TMOD1: variants seen among roughly 807,000 people sequenced by gnomAD.
TMOD1 encodes the protein tropomodulin-1.
TMOD1 carries 17 observed loss-of-function variants against 40.6 expected under a neutral mutation model. The ratio of observed to expected loss-of-function variants is 0.42; its 90% CI spans 0.29 to 0.63. The LOEUF is 0.63. Among genes scored for constraint, TMOD1 ranks in the 20% least tolerant of loss-of-function variants. The pLI is 0.22. For synonymous variants in TMOD1, 181 were observed against 175.0 expected (o/e 1.03, Z -0.27); for missense variants, 391 against 447.6 (o/e 0.87, Z 1.14).
chr9:97,543,168 C>G (rs1830302926), intron 2 of TMOD1, among the ~76,000 whole-genome samples: 1 of 152,258 alleles, frequency 6.6e-6, no homozygotes, highest in Admixed American at 6.5e-5. Context: ...CAATACTTAG[C>G]CTTTCTGGGG....
chr9:97,593,193 T>C (rs1293243538), intron 9 of TMOD1, among the ~76,000 whole-genome samples: 2 of 152,150 alleles, frequency 1.3e-5, no homozygotes, highest in Non-Finnish European at 2.9e-5. Context: ...GGCATGATGG[T>C]ATGGAGGTCT....
intron 8 of TMOD1, among the ~76,000 whole-genome samples, chr9:97,572,304 G>A (rs2149986): frequency 0.46 from 69,626 of 151,856 alleles, 16,014 homozygotes; most frequent in Middle Eastern, 0.58. Flanking sequence ...GTTAGGAGTC[G>A]GAGAGCTTTG....
intron 8 of TMOD1, among the ~76,000 whole-genome samples, chr9:97,577,319 G>C (rs942593742): frequency 2.0e-5 from 3 of 152,124 alleles, no homozygotes; most frequent in African/African-American, 7.2e-5. Flanking sequence ...AGTTCCTCTC[G>C]TCAGTCCTAC....
intron 1 of TMOD1, 49 bp from the exon 2 acceptor site, chr9:97,524,092 G>A: frequency 1.4e-6 from 2 of 1,420,738 alleles, no homozygotes; most frequent in Non-Finnish European, 1.9e-6. Context: ...TTTGCTCTGA[G>A]AGAGCAAATC....
chr9:97,508,793 G>T (rs771986159), intron 1 of TMOD1, among the ~76,000 whole-genome samples: 1 of 152,116 alleles, frequency 6.6e-6, no homozygotes, highest in Non-Finnish European at 1.5e-5. Context: ...ACCTTTCTCT[G>T]GAAATATGGT....
rs1008917235 is a variant in TMOD1, at chr9:97,526,723, C to T, written c.120+2415C>T. On this transcript the variant is annotated intron_variant, in intron 2 of 9. Transcript: ENST00000259365. Reference sequence around the variant, plus strand: ...ATGCAGGACTAGAAGTTAGGTGTTTCGCTTCCAATCCCAACCCTGTCTCTT... The same window carrying T: ...ATGCAGGACTAGAAGTTAGGTGTTTTGCTTCCAATCCCAACCCTGTCTCTT... Among the ~76,000 whole-genome samples the T allele has an allele frequency of 9.8e-5, 15 of 152,286 alleles. No homozygotes were observed. The South Asian group carries it at 1.2e-3, about 13-fold the overall frequency.
At chr9:97,586,283 C>T (rs1216121775) in intron 8 of TMOD1, among the ~76,000 whole-genome samples, 1 of 152,216 alleles carries the variant, frequency 6.6e-6, no homozygotes, top group Admixed American at 6.5e-5. Context: ...GTCAGTGTGC[C>T]CCTGCTGAGG....
intron 2 of TMOD1, among the ~76,000 whole-genome samples, chr9:97,525,691 T>TA (rs932113664): frequency 6.6e-6 from 1 of 152,236 alleles, no homozygotes; most frequent in African/African-American, 2.4e-5. Flanking sequence ...CATACTTTCT[T>TA]ACCTCCCTTG....
Position 97,557,870 on chromosome 9 carries a change from T to TAA in TMOD1, c.397+4484_397+4485dup, listed in dbSNP as rs908512113. 2.8e-5 allele frequency among the ~76,000 whole-genome samples: 4 copies of TAA among 142,188 alleles called. No individual in the cohort carries two copies. The highest frequency in any genetic ancestry group is 7.7e-5 in the African/African-American group (3 of 38,802). The allele number at this position is 142,188 out of a possible 152,430, so 93.3% of individuals were successfully genotyped here. A position where few individuals can be genotyped will look rare whatever the true frequency, so the allele number is the denominator to read the frequency against. On this transcript the variant is annotated intron_variant, in intron 4 of 9. Transcript: ENST00000259365. This position sits in a 1 kb window ranked among gnomAD's most constrained non-coding sequence, Gnocchi z 4.4. ...TTGAGTTTTGAGGAAGATCTAGACT[T>TAA]AAAAAAAAAAAAAAATCAAGTTCCC... is the stretch of plus-strand genomic sequence containing the variant.
chr9:97,560,522 G>A (rs1224708205), intron 4 of TMOD1, among the ~76,000 whole-genome samples: 1 of 151,978 alleles, frequency 6.6e-6, no homozygotes, highest in Non-Finnish European at 1.5e-5. Context: ...GGTGGCTCAC[G>A]CCTGCAATCC....
intron 9 of TMOD1, among the ~76,000 whole-genome samples, chr9:97,592,290 A>G (rs1035096309): frequency 6.6e-6 from 1 of 152,188 alleles, no homozygotes; most frequent in African/African-American, 2.4e-5. Context: ...GGGAAAAAAA[A>G]CAAGAAAAGC....
chr9:97,521,356 G>A lies in TMOD1; in HGVS notation c.-48-2785G>A, dbSNP rs554787923. Among the ~76,000 whole-genome samples, 7 of 152,224 alleles carry A rather than the reference G, an allele frequency of 4.6e-5. No individual in the cohort carries two copies. The South Asian group carries it at 1.0e-3, about 23-fold the overall frequency. ...GGGAACTTCATATAACCCAAAACCC[G>A]TTTGAGCACCAAAAGCTTGTGTTTG... On this transcript the variant is annotated intron_variant, in intron 1 of 9. Coordinates refer to ENST00000259365, the MANE Select transcript of TMOD1 (RefSeq NM_003275.4).
chr9:97,524,917 G>A lies in TMOD1; in HGVS notation c.120+609G>A, dbSNP rs114079623. ...ACTCAGTCTACTGATTCAAATATTGGTCTCATCCAGAAACACCCTCACAGA... is the reference window on the plus strand; with the variant it reads ...ACTCAGTCTACTGATTCAAATATTGATCTCATCCAGAAACACCCTCACAGA... On this transcript the variant is annotated intron_variant, in intron 2 of 9. Transcript: ENST00000259365. Among the ~76,000 whole-genome samples, 868 of 151,962 alleles carry A rather than the reference G, an allele frequency of 5.7e-3. 14 individuals carry two copies. The highest frequency in any genetic ancestry group is 0.02 in the African/African-American group (835 of 41,418).
At chr9:97,596,303 C>T (rs1826108846) in intron 9 of TMOD1, among the ~76,000 whole-genome samples, 2 of 152,122 alleles carry the variant, frequency 1.3e-5, no homozygotes, top group Non-Finnish European at 2.9e-5. Flanking sequence ...CCCAAGTCTC[C>T]TTCCGAAGCT....
intron 2 of TMOD1, among the ~76,000 whole-genome samples, chr9:97,538,660 A>G (rs1830225558): frequency 6.6e-6 from 1 of 152,056 alleles, no homozygotes; most frequent in African/African-American, 2.4e-5. Context: ...TCCATTTAGG[A>G]TCTTGATTAC....
intron 4 of TMOD1, among the ~76,000 whole-genome samples, chr9:97,559,771 T>TAAAAAAAAAAAAAAAAA (rs1830589569): frequency 1.6e-5 from 1 of 63,328 alleles, no homozygotes. Context: ...CCTCAAAAAT[T>TAAAAAAAAAAAAAAAAA]TAAAAAAAAA....
At chr9:97,599,172 T>C (rs1017587010) in intron 9 of TMOD1, among the ~76,000 whole-genome samples, 2 of 150,468 alleles carry the variant, frequency 1.3e-5, no homozygotes, top group Non-Finnish European at 3.0e-5. Flanking sequence ...ATACAGATAC[T>C]GCAGGGTAAT....
At chr9:97,570,687 C>T (rs1050219100) in intron 8 of TMOD1, among the ~76,000 whole-genome samples, 1 of 152,202 alleles carries the variant, frequency 6.6e-6, no homozygotes, top group African/African-American at 2.4e-5. Context: ...ATGTCTGAGG[C>T]ATCTCCTTAT....
intron 9 of TMOD1, among the ~76,000 whole-genome samples, chr9:97,596,981 T>C (rs1236044484): frequency 1.3e-5 from 2 of 152,270 alleles, no homozygotes; most frequent in Admixed American, 6.5e-5. Context: ...GTGTCTTTAC[T>C]TCTGATTCTT....
Sources: allele counts gnomAD v4.1 joint callset (sites outside exome capture counted in the v4.1 genomes callset), GRCh38; gene constraint gnomAD v4.1.1; non-coding constraint Gnocchi (gnomAD v3.1); transcripts MANE v1.5; gene names NCBI Gene and HGNC (gene_info 2026-07-23, HGNC 2026-07-21).